The following MYRIP variants were observed in gnomAD, a reference collection of about 807,000 sequenced individuals.
The protein encoded by MYRIP is rab effector MyRIP.
Under a neutral mutation model 98.0 loss-of-function variants are expected in MYRIP, and 49 were observed. The ratio of observed to expected loss-of-function variants is 0.50; its 90% CI spans 0.40 to 0.63. The LOEUF (loss-of-function observed/expected upper bound fraction) is 0.63. Among genes scored for constraint, MYRIP ranks in the 30% least tolerant of loss-of-function variants. The pLI, the probability that MYRIP is intolerant of heterozygous loss-of-function variation, is 0.00. For synonymous variants in MYRIP, 404 were observed against 409.5 expected (o/e 0.99, Z 0.16); for missense variants, 1,004 against 1,058.2 (o/e 0.95, Z 0.71).
intron 4 of MYRIP, among the ~76,000 whole-genome samples, chr3:40,151,782 G>C (rs1033031603): frequency 4.6e-5 from 7 of 152,180 alleles, no homozygotes; most frequent in Non-Finnish European, 8.8e-5. Context: ...ATGGTAGTCA[G>C]AATATGGACA....
intron 2 of MYRIP, among the ~76,000 whole-genome samples, chr3:40,038,860 C>T (rs1002629266): frequency 6.6e-6 from 1 of 152,060 alleles, no homozygotes; most frequent in Admixed American, 6.6e-5. Flanking sequence ...CATATGCAGC[C>T]ATTTTTTACC....
At chr3:39,879,416 G>A (rs1943104213) in intron 1 of MYRIP, among the ~76,000 whole-genome samples, 2 of 151,258 alleles carry the variant, frequency 1.3e-5, no homozygotes, top group Admixed American at 1.3e-4. Context: ...AGCAATTGTT[G>A]ATGGTATATT....
chr3:40,113,925 A>G (rs919814717), intron 3 of MYRIP, among the ~76,000 whole-genome samples: 3 of 151,280 alleles, frequency 2.0e-5, no homozygotes, highest in Admixed American at 2.0e-4. Flanking sequence ...TCCTGACCTC[A>G]TGACCCGCCC....
At chr3:39,932,717 A>G (rs1944569073) in intron 2 of MYRIP, among the ~76,000 whole-genome samples, 1 of 152,136 alleles carries the variant, frequency 6.6e-6, no homozygotes, top group Non-Finnish European at 1.5e-5. Context: ...AAGTGGTCAG[A>G]GAGATCCATC....
chr3:39,993,815 T>G (rs570002657), intron 2 of MYRIP, among the ~76,000 whole-genome samples: 1 of 152,348 alleles, frequency 6.6e-6, no homozygotes, highest in Non-Finnish European at 1.5e-5. Flanking sequence ...TTTCAGGGTC[T>G]GAGAGGGAGG....
At chr3:39,849,396 T>A (rs1263445709) in intron 1 of MYRIP, among the ~76,000 whole-genome samples, 2 of 152,224 alleles carry the variant, frequency 1.3e-5, no homozygotes, top group African/African-American at 4.8e-5. Flanking sequence ...ACTACATTTT[T>A]ATGAAGTAGT....
intron 10 of MYRIP, 43 bp from the exon 11 acceptor site, chr3:40,209,811 G>A: frequency 1.2e-6 from 2 of 1,610,140 alleles, no homozygotes; most frequent in Non-Finnish European, 1.7e-6. Context: ...CAACATGGCT[G>A]TAGCAGAGGG....
chr3:39,866,698 A>G (rs1942638524), intron 1 of MYRIP, among the ~76,000 whole-genome samples: 1 of 152,186 alleles, frequency 6.6e-6, no homozygotes, highest in South Asian at 2.1e-4. Context: ...ACACATAGAA[A>G]GACTTCCTAT....
At chr3:40,195,543 ACCTTGG>A (rs906323372) in intron 10 of MYRIP, among the ~76,000 whole-genome samples, 14 of 151,996 alleles carry the variant, frequency 9.2e-5, no homozygotes, top group Admixed American at 8.5e-4. Flanking sequence ...CAATCCTCCC[ACCTTGG>A]CCTCCCAAAG....
chr3:40,148,585 C>T (rs1447087127), intron 3 of MYRIP, among the ~76,000 whole-genome samples: 2 of 152,106 alleles, frequency 1.3e-5, no homozygotes, highest in Non-Finnish European at 2.9e-5. Flanking sequence ...TAAGTTGTTG[C>T]TTATCTTCTA....
At chr3:39,952,721 A>G (rs909397353) in intron 2 of MYRIP, among the ~76,000 whole-genome samples, 5 of 152,178 alleles carry the variant, frequency 3.3e-5, no homozygotes, top group African/African-American at 1.2e-4. Flanking sequence ...ATTGGTAGTA[A>G]TGAATTTTCC....
At chr3:40,006,000 T>C (rs1454430000) in intron 2 of MYRIP, among the ~76,000 whole-genome samples, 2 of 152,108 alleles carry the variant, frequency 1.3e-5, no homozygotes. Context: ...GAATGGAATT[T>C]AGCTGAGTTA....
chr3:39,913,306 A>C (rs1357498154), intron 2 of MYRIP, among the ~76,000 whole-genome samples: 1 of 152,214 alleles, frequency 6.6e-6, no homozygotes, highest in Non-Finnish European at 1.5e-5. Context: ...ATAGAGGATG[A>C]GATTCACTTG....
chr3:39,900,285 T>C (rs1410474116), intron 1 of MYRIP, among the ~76,000 whole-genome samples: 1 of 152,086 alleles, frequency 6.6e-6, no homozygotes, highest in East Asian at 1.9e-4. Context: ...TTAGTTTGTA[T>C]TTCATAGTCA....
intron 16 of MYRIP, among the ~76,000 whole-genome samples, chr3:40,257,392 A>G (rs1435549992): frequency 6.6e-6 from 1 of 152,202 alleles, no homozygotes; most frequent in Admixed American, 6.5e-5. Context: ...TGTGATATCA[A>G]TCCCATTTAT....
At chr3:39,826,988 T>A (rs967920948) in intron 1 of MYRIP, among the ~76,000 whole-genome samples, 1 of 152,228 alleles carries the variant, frequency 6.6e-6, no homozygotes. Flanking sequence ...TCACTTTTGG[T>A]TTCCATTCCC....
chr3:39,880,654 C>T (rs1943136247), intron 1 of MYRIP, among the ~76,000 whole-genome samples: 1 of 152,126 alleles, frequency 6.6e-6, no homozygotes, highest in Admixed American at 6.5e-5. Context: ...TACTCATCTG[C>T]AAATAATAAT....
chr3:39,882,863 C>T (rs894350036), intron 1 of MYRIP, among the ~76,000 whole-genome samples: 1 of 152,046 alleles, frequency 6.6e-6, no homozygotes, highest in South Asian at 2.1e-4. Context: ...CACCTGCCCC[C>T]CCTCCGCATT....
intron 3 of MYRIP, among the ~76,000 whole-genome samples, chr3:40,097,641 C>G (rs1273883347): frequency 1.3e-5 from 2 of 152,148 alleles, no homozygotes; most frequent in African/African-American, 4.8e-5. Flanking sequence ...GATCTTTGGC[C>G]AGGCTCCCAC....
Sources: allele counts gnomAD v4.1 joint callset (sites outside exome capture counted in the v4.1 genomes callset), GRCh38; gene constraint gnomAD v4.1.1; transcripts MANE v1.5; gene names NCBI Gene and HGNC (gene_info 2026-07-23, HGNC 2026-07-21).